Variants in TAS2R1 observed in about 807,000 individuals in gnomAD.
TAS2R1 encodes the protein taste receptor type 2 member 1.
For missense variants in TAS2R1, 370 were observed against 353.4 expected (o/e 1.05, Z -0.38); for synonymous variants, 141 against 134.2 (o/e 1.05, Z -0.35).
chr5:9,861,643 GTGCT>G, the TAS2R1 span, among the ~76,000 whole-genome samples: 2 of 152,172 alleles, frequency 1.3e-5, no homozygotes, highest in Non-Finnish European at 2.9e-5. Flanking sequence ...GCAGTAGAGG[GTGCT>G]TGTTCTAAGG....
the TAS2R1 span, among the ~76,000 whole-genome samples, chr5:9,834,971 G>A: frequency 9.2e-5 from 14 of 152,078 alleles, no homozygotes; most frequent in African/African-American, 2.9e-4. Flanking sequence ...ATATTTAATC[G>A]TTGGAGATTA....
the TAS2R1 span, among the ~76,000 whole-genome samples, chr5:9,857,722 G>C: frequency 6.6e-6 from 1 of 152,024 alleles, no homozygotes; most frequent in African/African-American, 2.4e-5. Flanking sequence ...TTGGTTTTTT[G>C]TGTTTCTTGT....
At chr5:9,895,668 G>A in the TAS2R1 span, among the ~76,000 whole-genome samples, 1 of 152,222 alleles carries the variant, frequency 6.6e-6, no homozygotes, top group Non-Finnish European at 1.5e-5. Context: ...TATGCAGTCT[G>A]CCCTTCTGGG....
chr5:9,672,236 G>A (rs1489888827), intron 1 of TAS2R1, among the ~76,000 whole-genome samples: 1 of 152,088 alleles, frequency 6.6e-6, no homozygotes, highest in Non-Finnish European at 1.5e-5. Flanking sequence ...CCCTGACAAA[G>A]GTTTCATGAT....
chr5:9,827,538 C>A, the TAS2R1 span, among the ~76,000 whole-genome samples: 1 of 151,548 alleles, frequency 6.6e-6, no homozygotes, highest in African/African-American at 2.4e-5. Flanking sequence ...ATTTCAAGAC[C>A]AACCTGGGCA....
chr5:9,861,309 T>C, the TAS2R1 span, among the ~76,000 whole-genome samples: 1 of 152,016 alleles, frequency 6.6e-6, no homozygotes, highest in Non-Finnish European at 1.5e-5. Context: ...TACTGACTGT[T>C]CTCCATGATC....
At chr5:9,701,500 C>T (rs189423570) in intron 1 of TAS2R1, among the ~76,000 whole-genome samples, 22 of 152,196 alleles carry the variant, frequency 1.4e-4, no homozygotes, top group Non-Finnish European at 2.5e-4. Context: ...AGATATTGCA[C>T]GTGCTTATAA....
intron 2 of TAS2R1, among the ~76,000 whole-genome samples, chr5:9,640,518 A>C (rs78067051): frequency 0.11 from 16,215 of 148,340 alleles, 1,051 homozygotes; most frequent in South Asian, 0.16. Context: ...AAAAAAAAAA[A>C]AAAACAGTAC....
the TAS2R1 span, among the ~76,000 whole-genome samples, chr5:9,779,407 AG>A: frequency 6.6e-6 from 1 of 152,262 alleles, no homozygotes; most frequent in African/African-American, 2.4e-5. Flanking sequence ...CAACAAAAAC[AG>A]AATAACACAC....
chr5:9,730,837 A>G, the TAS2R1 span, among the ~76,000 whole-genome samples: 2 of 152,162 alleles, frequency 1.3e-5, no homozygotes, highest in Non-Finnish European at 1.5e-5. Flanking sequence ...ATGGTAGTGA[A>G]TAAGTCCCAT....
the TAS2R1 span, chr5:9,870,015 T>G: frequency 6.6e-6 from 1 of 152,234 alleles, no homozygotes; most frequent in Non-Finnish European, 1.5e-5. Flanking sequence ...GTTCTCAATC[T>G]TTCAACAGCA....
the TAS2R1 span, among the ~76,000 whole-genome samples, chr5:9,853,272 G>C: frequency 6.6e-6 from 1 of 152,214 alleles, no homozygotes; most frequent in South Asian, 2.1e-4. Flanking sequence ...TTACAGCTTC[G>C]TGACTGCTCC....
the TAS2R1 span, among the ~76,000 whole-genome samples, chr5:9,771,683 C>CTTGTTAT: frequency 6.6e-6 from 1 of 152,064 alleles, no homozygotes; most frequent in South Asian, 2.1e-4. Context: ...TGGCTCCTAT[C>CTTGTTAT]TTGTTATTTG....
At chr5:9,701,610 A>G (rs936134142) in intron 1 of TAS2R1, among the ~76,000 whole-genome samples, 3 of 152,246 alleles carry the variant, frequency 2.0e-5, no homozygotes, top group Non-Finnish European at 4.4e-5. Flanking sequence ...AATGCTAGAA[A>G]TGATCAATGA....
the TAS2R1 span, among the ~76,000 whole-genome samples, chr5:9,883,544 C>T: frequency 6.6e-6 from 1 of 152,050 alleles, no homozygotes; most frequent in Non-Finnish European, 1.5e-5. Flanking sequence ...GTTTGAGCAC[C>T]TGAGGAATAT....
At chr5:9,765,488 A>G in the TAS2R1 span, 1 of 142,868 alleles carries the variant, frequency 7.0e-6, no homozygotes, top group Non-Finnish European at 1.5e-5. Context: ...GTAGTCAGTG[A>G]TCTGTTCAAA....
At chr5:9,795,936 AC>A in the TAS2R1 span, among the ~76,000 whole-genome samples, 3 of 151,980 alleles carry the variant, frequency 2.0e-5, no homozygotes, top group Non-Finnish European at 4.4e-5. Context: ...AAGCTCAACC[AC>A]CCCAGACATT....
At chr5:9,898,238 A>G in the TAS2R1 span, among the ~76,000 whole-genome samples, 1 of 152,176 alleles carries the variant, frequency 6.6e-6, no homozygotes, top group Non-Finnish European at 1.5e-5. Flanking sequence ...CAGTGGGGAA[A>G]ATGTGACAGT....
Position 9,664,133 on chromosome 5 carries a change from G to T in TAS2R1, c.-241-4552C>A, listed in dbSNP as rs1255150498. 3.3e-5 allele frequency among the ~76,000 whole-genome samples: 5 copies of T among 152,058 alleles called. No homozygotes were observed. The East Asian group carries it at 7.7e-4, about 23-fold the overall frequency. ...AACTCAGCAGCCCCTATCGAACCAT[G>T]CCTCCCTCATCGCCCCAGGCTGGCT... is the stretch of plus-strand genomic sequence containing the variant. On this transcript the variant is annotated intron_variant, in intron 1 of 2. Coordinates refer to the TAS2R1 transcript ENST00000506620.
Sources: allele counts gnomAD v4.1 joint callset (sites outside exome capture counted in the v4.1 genomes callset), GRCh38; gene constraint gnomAD v4.1.1; transcripts MANE v1.5; gene names NCBI Gene and HGNC (gene_info 2026-07-23, HGNC 2026-07-21).